KALRN: variants seen among roughly 807,000 people sequenced by gnomAD.
The protein encoded by KALRN is kalirin RhoGEF kinase, also known as kalirin.
KALRN carries 70 observed loss-of-function variants against 353.7 expected under a neutral mutation model. The ratio of observed to expected loss-of-function variants is 0.20; its 90% CI spans 0.16 to 0.24. The LOEUF (loss-of-function observed/expected upper bound fraction) is 0.24, where lower values mean the gene tolerates loss of function less well. Ranked by LOEUF, KALRN falls within the 10% of genes least tolerant of loss-of-function variation. KALRN has a pLI of 1.00. For missense variants in KALRN, 2,791 were observed against 3,756.7 expected, an observed-to-expected ratio of 0.74 and a Z score of 6.72; for synonymous variants, 1,391 against 1,434.8, an observed-to-expected ratio of 0.97 and a Z score of 0.69.
intron 10 of KALRN, among the ~76,000 whole-genome samples, chr3:124,369,250 A>G (rs556707941): frequency 9.8e-4 from 150 of 152,390 alleles, no homozygotes; most frequent in Non-Finnish European, 1.8e-3. Flanking sequence ...TTACCTGTCA[A>G]TTGACAAAAC....
chr3:124,191,936 C>T (rs1299619748), intron 1 of KALRN, among the ~76,000 whole-genome samples: 7 of 152,200 alleles, frequency 4.6e-5, no homozygotes, highest in Non-Finnish European at 1.0e-4. Flanking sequence ...AATTTGTGGC[C>T]ATTTTTAATC....
chr3:124,344,993 T>A (rs2082128313), intron 9 of KALRN, among the ~76,000 whole-genome samples: 1 of 152,126 alleles, frequency 6.6e-6, no homozygotes, highest in Non-Finnish European at 1.5e-5. Flanking sequence ...ATATTCCTCT[T>A]CAACCAATTT....
At chr3:124,392,359 T>A (rs1246541198) in intron 11 of KALRN, among the ~76,000 whole-genome samples, 3 of 152,204 alleles carry the variant, frequency 2.0e-5, no homozygotes, top group African/African-American at 7.2e-5. Flanking sequence ...GTAAGATAGA[T>A]AATATATTTG....
intron 17 of KALRN, among the ~76,000 whole-genome samples, chr3:124,438,398 A>C (rs2093553035): frequency 6.6e-6 from 1 of 152,138 alleles, no homozygotes; most frequent in Middle Eastern, 3.4e-3. Flanking sequence ...TCCCCAGGGG[A>C]GGAAAAAGAT....
rs566163997 is a variant in KALRN, at chr3:124,701,815, T to G, written c.7997-223T>G. ...CTGATTGTACTGCGTTTTCCCTTTG[T>G]TTAAGTAGATGGGAGAGAGAAGCTG... is the stretch of plus-strand genomic sequence containing the variant. On this transcript the variant is annotated intron_variant, in intron 56 of 59. Transcript: ENST00000682506. Among the ~76,000 whole-genome samples, 406 of 152,256 alleles carry G rather than the reference T, an allele frequency of 2.7e-3. 5 individuals carry two copies. Among genetic ancestry groups the G allele is most frequent in the Non-Finnish European group, 1.7e-3 (117 of 68,030 alleles).
chr3:124,264,414 G>T (rs1204688817), intron 3 of KALRN, 84 bp from the exon 4 acceptor site: 3 of 1,131,612 alleles, frequency 2.7e-6, no homozygotes, highest in Non-Finnish European at 3.8e-6. Context: ...CAAGGGGAGT[G>T]CAGGTTTCCG....
intron 34 of KALRN, among the ~76,000 whole-genome samples, chr3:124,564,597 T>A (rs1433182668): frequency 1.3e-5 from 2 of 152,028 alleles, no homozygotes; most frequent in South Asian, 2.1e-4. Context: ...GGAGGATCAT[T>A]TGAGCCTGGG....
At chr3:124,121,493 G>A (rs1310782271) in intron 1 of KALRN, among the ~76,000 whole-genome samples, 4 of 152,168 alleles carry the variant, frequency 2.6e-5, no homozygotes, top group Non-Finnish European at 5.9e-5. Context: ...TCATTGCCAT[G>A]TCTACAGTAC....
At chr3:124,659,884 A>G (rs1445436796) in intron 43 of KALRN, among the ~76,000 whole-genome samples, 1 of 148,474 alleles carries the variant, frequency 6.7e-6, no homozygotes, top group Non-Finnish European at 1.5e-5. Flanking sequence ...AATATATTAT[A>G]TAAAATCAAT....
At position 124,413,585 on chromosome 3, in the gene KALRN, T is replaced by C. The variant is rs912979158; in HGVS notation, c.2462T>C (p.Leu821Pro). Residue 821 changes from leucine (L) to proline (P), a missense_variant, in exon 14 of 60, where the codon CTA (leucine) becomes CCA (proline). This residue lies in a region of KALRN where 452 missense variants were observed against 575.8 expected (regional missense o/e 0.78). Transcript: ENST00000682506. ...CTGCAGCGCCACACAGAACGGAAGCTAGCCATGAACAACATGACCTTTGAG... is the reference window on the plus strand; with the variant it reads ...CTGCAGCGCCACACAGAACGGAAGCCAGCCATGAACAACATGACCTTTGAG... Reference protein sequence around the residue: ...QRLQRHTERKLAMNNMTFEVI... With the variant: ...QRLQRHTERKPAMNNMTFEVI... 6.2e-7 allele frequency: 1 copy of C among 1,613,990 alleles called. No homozygotes were observed. Among genetic ancestry groups the C allele is most frequent in the African/African-American group, 1.3e-5 (1 of 74,920 alleles).
intron 3 of KALRN, among the ~76,000 whole-genome samples, chr3:124,260,169 C>T (rs935912362): frequency 6.6e-6 from 1 of 152,180 alleles, no homozygotes; most frequent in Non-Finnish European, 1.5e-5. Context: ...AGCTCACATA[C>T]CCTTTGTCTG....
chr3:124,354,761 A>G (rs1482324073), intron 10 of KALRN, among the ~76,000 whole-genome samples: 6 of 152,252 alleles, frequency 3.9e-5, no homozygotes, highest in Admixed American at 3.3e-4. Flanking sequence ...TATTGAGCTC[A>G]TAACTAGAAA....
intron 57 of KALRN, among the ~76,000 whole-genome samples, chr3:124,703,761 G>T (rs2062460838): frequency 6.6e-6 from 1 of 152,192 alleles, no homozygotes. Context: ...CGCTTGCGGG[G>T]AGGATGATCA....
chr3:124,523,222 A>C (rs968175078), intron 33 of KALRN, among the ~76,000 whole-genome samples: 6 of 152,174 alleles, frequency 3.9e-5, no homozygotes, highest in Non-Finnish European at 8.8e-5. Context: ...AACATTTTTC[A>C]TAACACTAGC....
intron 1 of KALRN, among the ~76,000 whole-genome samples, chr3:124,078,637 G>A (rs975272277): frequency 1.7e-4 from 26 of 152,134 alleles, no homozygotes; most frequent in Admixed American, 1.2e-3. Flanking sequence ...CTAACATCTC[G>A]AGGGCTTGCT....
chr3:124,625,728 G>A (rs2079874813), intron 34 of KALRN, among the ~76,000 whole-genome samples: 1 of 126,140 alleles, frequency 7.9e-6, no homozygotes. Context: ...ATGCCCAAAT[G>A]TTCATTAGGA....
intron 1 of KALRN, among the ~76,000 whole-genome samples, chr3:124,179,123 T>C (rs1400644747): frequency 6.6e-6 from 1 of 152,110 alleles, no homozygotes; most frequent in Non-Finnish European, 1.5e-5. Context: ...AAAAAAAAAT[T>C]AATAAATGTT....
At chr3:124,681,141 G>A (rs556403192) in intron 51 of KALRN, among the ~76,000 whole-genome samples, 3 of 152,194 alleles carry the variant, frequency 2.0e-5, no homozygotes, top group Non-Finnish European at 4.4e-5. Context: ...GGGGAGAAGA[G>A]TGATGTTCCC....
chr3:124,481,213 ATTTG>A (rs1415917867), intron 27 of KALRN, among the ~76,000 whole-genome samples: 1 of 151,358 alleles, frequency 6.6e-6, no homozygotes, highest in South Asian at 2.1e-4. Flanking sequence ...TTGTTTGTTT[ATTTG>A]TTTGTTTTGA....
Sources: gnomAD v4.1 joint callset for allele counts (sites outside exome capture counted in the v4.1 genomes callset) on GRCh38, gnomAD v4.1.1 for gene constraint, gnomAD v4.1.1 regional missense constraint, MANE v1.5 for transcripts, NCBI Gene and HGNC (gene_info 2026-07-23, HGNC 2026-07-21) for gene names.